CTNNA2: variants seen among roughly 807,000 people sequenced by gnomAD.
The protein encoded by CTNNA2 is catenin alpha 2.
Under a neutral mutation model 101.0 loss-of-function variants are expected in CTNNA2, and 42 were observed. The observed-to-expected ratio is 0.42, with a 90% confidence interval of 0.32 to 0.54. The LOEUF (loss-of-function observed/expected upper bound fraction) is 0.54. Among genes scored for constraint, CTNNA2 ranks in the 20% least tolerant of loss-of-function variants. The pLI is 0.14. For missense variants in CTNNA2, 871 were observed against 1,223.1 expected (o/e 0.71, Z 4.29); for synonymous variants, 450 against 456.4 (o/e 0.99, Z 0.18).
chr2:80,581,961 T>C (rs181169397), intron 14 of CTNNA2, 142 bp downstream of exon 14: 1 of 590,524 alleles, frequency 1.7e-6, no homozygotes, highest in African/African-American at 1.8e-5. Context: ...AGGTTGTTTA[T>C]AGCAAATCAC....
In CTNNA2 at chr2:79,365,485, G is replaced by T. The variant is rs1045412622; in HGVS notation, c.-317-8346G>T. 2.0e-5 allele frequency among the ~76,000 whole-genome samples: 3 copies of T among 151,506 alleles called. No individual in the cohort carries two copies. The South Asian group carries it at 6.2e-4, about 31-fold the overall frequency. On this transcript the variant is annotated intron_variant, in intron 3 of 21. Coordinates refer to the CTNNA2 transcript ENST00000466387. ...CAAATTTTTTTTTTAAATTAGCCAG[G>T]TGTGGTGGTGCATGCCTGTAGTCAT...
At chr2:79,297,910 A>G (rs1188105431) in intron 2 of CTNNA2, among the ~76,000 whole-genome samples, 4 of 152,172 alleles carry the variant, frequency 2.6e-5, no homozygotes, top group African/African-American at 9.7e-5. Flanking sequence ...TTACTCATCT[A>G]TCTCTCATTT....
chr2:79,432,259 G>A (rs1172068821), intron 4 of CTNNA2, among the ~76,000 whole-genome samples: 7 of 152,114 alleles, frequency 4.6e-5, no homozygotes, highest in Non-Finnish European at 1.0e-4. Context: ...AGTACAGTAT[G>A]TATGGTTATC....
At chr2:80,070,292 T>G (rs1698245073) in intron 7 of CTNNA2, among the ~76,000 whole-genome samples, 1 of 152,186 alleles carries the variant, frequency 6.6e-6, no homozygotes, top group Non-Finnish European at 1.5e-5. Context: ...ACCTGGATGG[T>G]TTCCAAAAAT....
chr2:79,740,537 G>T (rs1671219672), intron 2 of CTNNA2, among the ~76,000 whole-genome samples: 2 of 152,090 alleles, frequency 1.3e-5, no homozygotes, highest in African/African-American at 4.8e-5. Context: ...ACAGGGCATT[G>T]CAGGAAGATA....
At chr2:79,602,931 A>T (rs538279401) in intron 1 of CTNNA2, among the ~76,000 whole-genome samples, 1 of 152,294 alleles carries the variant, frequency 6.6e-6, no homozygotes, top group Non-Finnish European at 1.5e-5. Context: ...AGAGGAACAG[A>T]TTTTTCATAG....
At chr2:79,881,446 A>G (rs1251709710) in intron 6 of CTNNA2, among the ~76,000 whole-genome samples, 3 of 152,024 alleles carry the variant, frequency 2.0e-5, no homozygotes, top group African/African-American at 7.2e-5. Flanking sequence ...GTAGAGACCT[A>G]TTAGTTTCTT....
intron 18 of CTNNA2, among the ~76,000 whole-genome samples, chr2:80,620,722 C>A (rs952986689): frequency 2.0e-5 from 3 of 151,926 alleles, no homozygotes; most frequent in African/African-American, 7.2e-5. Flanking sequence ...TAGAAGCAAA[C>A]CTTCAGTGAC....
At chr2:79,968,588 G>T (rs1413502288) in intron 7 of CTNNA2, among the ~76,000 whole-genome samples, 2 of 152,048 alleles carry the variant, frequency 1.3e-5, no homozygotes, top group Non-Finnish European at 2.9e-5. Context: ...AGGAGGATCA[G>T]TTGAGGCCAG....
chr2:80,449,651 A>C (rs1043698127), intron 9 of CTNNA2, among the ~76,000 whole-genome samples: 1 of 152,218 alleles, frequency 6.6e-6, no homozygotes, highest in Non-Finnish European at 1.5e-5. Flanking sequence ...TTAGAACTCC[A>C]TACATTAGAA....
At chr2:80,584,939 A>C (rs1405791047) in intron 14 of CTNNA2, among the ~76,000 whole-genome samples, 1 of 152,112 alleles carries the variant, frequency 6.6e-6, no homozygotes, top group Non-Finnish European at 1.5e-5. Flanking sequence ...CAACTACCTC[A>C]ATTTTCCAAT....
chr2:79,691,637 A>G (rs996803741), intron 2 of CTNNA2, among the ~76,000 whole-genome samples: 18 of 152,174 alleles, frequency 1.2e-4, no homozygotes, highest in Non-Finnish European at 2.4e-4. Context: ...CTACAAGGCT[A>G]CAGTAACCAA....
At chr2:79,544,012 C>T (rs1673575935) in intron 1 of CTNNA2, among the ~76,000 whole-genome samples, 2 of 151,972 alleles carry the variant, frequency 1.3e-5, no homozygotes, top group Admixed American at 1.3e-4. Flanking sequence ...GATCTCGGGT[C>T]GCTGCAAACC....
chr2:80,076,537 C>T (rs567798919), intron 7 of CTNNA2, among the ~76,000 whole-genome samples: 70 of 151,776 alleles, frequency 4.6e-4, no homozygotes, highest in Non-Finnish European at 9.7e-4. Context: ...CCTGCCTTGG[C>T]GTCCCAAATT....
chr2:80,463,821 C>T (rs763502718), intron 9 of CTNNA2, among the ~76,000 whole-genome samples: 15 of 152,142 alleles, frequency 9.9e-5, no homozygotes, highest in Non-Finnish European at 2.1e-4. Flanking sequence ...GGATAAATGG[C>T]TTGCCCCAAG....
intron 7 of CTNNA2, among the ~76,000 whole-genome samples, chr2:80,082,340 A>T (rs1332670713): frequency 6.6e-6 from 1 of 152,232 alleles, no homozygotes; most frequent in Non-Finnish European, 1.5e-5. Flanking sequence ...TGGTATCCCC[A>T]GTACCTAGCA....
chr2:79,421,144 G>T (rs976636316), intron 4 of CTNNA2, among the ~76,000 whole-genome samples: 1 of 152,096 alleles, frequency 6.6e-6, no homozygotes, highest in Non-Finnish European at 1.5e-5. Flanking sequence ...GGGAATCTTT[G>T]TGTATGAGAG....
intron 2 of CTNNA2, among the ~76,000 whole-genome samples, chr2:79,209,424 C>T (rs1674141281): frequency 6.6e-6 from 1 of 152,136 alleles, no homozygotes; most frequent in African/African-American, 2.4e-5. Context: ...TTTCTTTACT[C>T]GATACATATT....
chr2:80,517,886 G>A (rs2149566635), intron 9 of CTNNA2, among the ~76,000 whole-genome samples: 1 of 152,326 alleles, frequency 6.6e-6, no homozygotes, highest in African/African-American at 2.4e-5. Context: ...TATGATCAGA[G>A]TGTATTGAAA....
Sources: allele counts gnomAD v4.1 joint callset (sites outside exome capture counted in the v4.1 genomes callset), GRCh38; gene constraint gnomAD v4.1.1; transcripts MANE v1.5; gene names NCBI Gene and HGNC (gene_info 2026-07-23, HGNC 2026-07-21).